CDIN1: variants seen among roughly 807,000 people sequenced by gnomAD.
CDIN1 encodes the protein CDAN1 interacting nuclease 1.
Under a neutral mutation model 45.3 loss-of-function variants are expected in CDIN1, and 33 were observed. The ratio of observed to expected loss-of-function variants is 0.73; its 90% CI spans 0.55 to 0.97. The LOEUF is 0.97. Among genes scored for constraint, CDIN1 ranks in the 50% least tolerant of loss-of-function variants. CDIN1 has a pLI of 0.00. For missense variants in CDIN1, 303 were observed against 339.4 expected (o/e 0.89, Z 0.84); for synonymous variants, 118 against 124.4 (o/e 0.95, Z 0.34).
At chr15:36,591,207 A>G (rs1438912976) in intron 1 of CDIN1, among the ~76,000 whole-genome samples, 2 of 152,212 alleles carry the variant, frequency 1.3e-5, no homozygotes, top group East Asian at 1.9e-4. Flanking sequence ...CTTCTACATT[A>G]CACATGAAGT....
chr15:36,793,038 C>G (rs569984013), intron 10 of CDIN1, among the ~76,000 whole-genome samples: 105 of 152,254 alleles, frequency 6.9e-4, no homozygotes, highest in Non-Finnish European at 6.9e-4. Flanking sequence ...GTATCTCCCC[C>G]CTCTTACCCA....
At chr15:36,711,889 A>G (rs947526345) in intron 10 of CDIN1, among the ~76,000 whole-genome samples, 1 of 152,198 alleles carries the variant, frequency 6.6e-6, no homozygotes, top group East Asian at 1.9e-4. Context: ...TTTGTAACAT[A>G]TGATAATGAT....
chr15:36,687,836 A>G lies in CDIN1; in HGVS notation c.347-3849A>G, dbSNP rs145224942. ...TCTGAAGACATATAAAACATTAACA[A>G]AAATTGATCACATATAAAAACACAA... On this transcript the variant is annotated intron_variant, in intron 5 of 10. Coordinates refer to ENST00000566621, the MANE Select transcript of CDIN1 (RefSeq NM_001321759.2). Among the ~76,000 whole-genome samples the G allele has an allele frequency of 1.7e-3, 252 of 152,306 alleles. 1 individual carries two copies. The highest frequency in any genetic ancestry group is 5.7e-3 in the African/African-American group (237 of 41,584).
At chr15:36,628,706 T>C (rs2039555184) in intron 1 of CDIN1, among the ~76,000 whole-genome samples, 1 of 152,098 alleles carries the variant, frequency 6.6e-6, no homozygotes, top group Admixed American at 6.6e-5. Flanking sequence ...ATATGAATCT[T>C]TAAGGCCAGA....
intron 10 of CDIN1, among the ~76,000 whole-genome samples, chr15:36,774,287 G>T (rs1267831554): frequency 1.3e-5 from 2 of 152,050 alleles, no homozygotes; most frequent in Admixed American, 6.5e-5. Context: ...TAACAAACTG[G>T]AAATTCATCT....
chr15:36,590,831 A>G (rs1413297874), intron 1 of CDIN1, among the ~76,000 whole-genome samples: 3 of 152,208 alleles, frequency 2.0e-5, no homozygotes, highest in Non-Finnish European at 4.4e-5. Context: ...AGTTAGCACT[A>G]TATAGGATGG....
At chr15:36,640,940 T>C (rs1438019740) in intron 1 of CDIN1, among the ~76,000 whole-genome samples, 1 of 152,232 alleles carries the variant, frequency 6.6e-6, no homozygotes, top group Non-Finnish European at 1.5e-5. Flanking sequence ...ACCCCGTTAA[T>C]GTTTAAACTC....
At chr15:36,649,145 T>C (rs1017314332) in intron 3 of CDIN1, among the ~76,000 whole-genome samples, 2 of 152,194 alleles carry the variant, frequency 1.3e-5, no homozygotes, top group Non-Finnish European at 2.9e-5. Context: ...AAAGACATAA[T>C]CAGAAAATCC....
At chr15:36,727,976 C>G (rs2043700375) in intron 10 of CDIN1, among the ~76,000 whole-genome samples, 1 of 152,116 alleles carries the variant, frequency 6.6e-6, no homozygotes, top group Admixed American at 6.6e-5. Flanking sequence ...ACAAATTTTC[C>G]ATACAAGAAG....
intron 1 of CDIN1, chr15:36,626,895 C>A: frequency 4.8e-6 from 1 of 209,554 alleles, no homozygotes. Context: ...GGCACCATGT[C>A]CCCAGGGATG....
At chr15:36,748,523 T>TC (rs762360876) in intron 10 of CDIN1, among the ~76,000 whole-genome samples, 9 of 152,082 alleles carry the variant, frequency 5.9e-5, no homozygotes, top group African/African-American at 9.7e-5. Context: ...TTTTTTTTTT[T>TC]CCTCTCTCAC....
intron 10 of CDIN1, among the ~76,000 whole-genome samples, chr15:36,761,087 CACATCTAAA>C (rs2053749612): frequency 6.6e-6 from 1 of 152,174 alleles, no homozygotes; most frequent in African/African-American, 2.4e-5. Flanking sequence ...CCTTCACCGG[CACATCTAAA>C]AGCTAAGGCA....
At chr15:36,694,282 A>G (rs1169782204) in intron 7 of CDIN1, among the ~76,000 whole-genome samples, 2 of 152,222 alleles carry the variant, frequency 1.3e-5, no homozygotes, top group Non-Finnish European at 2.9e-5. Flanking sequence ...ACTGATCAGC[A>G]TAATTATTTT....
At chr15:36,777,415 A>G (rs2054248179) in intron 10 of CDIN1, among the ~76,000 whole-genome samples, 1 of 151,896 alleles carries the variant, frequency 6.6e-6, no homozygotes, top group Non-Finnish European at 1.5e-5. Context: ...TGAAAAAAAA[A>G]AAAAAAGGTC....
At chr15:36,597,065 AT>A (rs1350231281) in intron 1 of CDIN1, among the ~76,000 whole-genome samples, 1 of 152,194 alleles carries the variant, frequency 6.6e-6, no homozygotes, top group Non-Finnish European at 1.5e-5. Context: ...GACCAAGACC[AT>A]TTTGGACCTG....
intron 1 of CDIN1, among the ~76,000 whole-genome samples, chr15:36,610,585 G>A (rs1023423740): frequency 2.0e-5 from 3 of 152,206 alleles, no homozygotes; most frequent in African/African-American, 7.2e-5. Context: ...GAGTGTGTAT[G>A]TGGGTGTGTA....
At chr15:36,619,493 A>ATCTG (rs1566838602) in intron 1 of CDIN1, among the ~76,000 whole-genome samples, 1 of 151,822 alleles carries the variant, frequency 6.6e-6, no homozygotes, top group African/African-American at 2.4e-5. Context: ...CTATCTATCT[A>ATCTG]TCTATCTATC....
chr15:36,719,315 A>G (rs917570918), intron 10 of CDIN1, among the ~76,000 whole-genome samples: 6 of 152,244 alleles, frequency 3.9e-5, no homozygotes, highest in Non-Finnish European at 8.8e-5. Context: ...CTAGTTTGCT[A>G]CAAGTTTTTA....
At chr15:36,629,614 G>A (rs917717953) in intron 1 of CDIN1, among the ~76,000 whole-genome samples, 8 of 152,198 alleles carry the variant, frequency 5.3e-5, no homozygotes, top group African/African-American at 1.7e-4. Context: ...ACTCTCTAAC[G>A]TCTCATGTTA....
Sources: allele counts gnomAD v4.1 joint callset (sites outside exome capture counted in the v4.1 genomes callset), GRCh38; gene constraint gnomAD v4.1.1; transcripts MANE v1.5; gene names NCBI Gene and HGNC (gene_info 2026-07-23, HGNC 2026-07-21).